Variants in FHOD3 observed in about 807,000 individuals in gnomAD.
The protein encoded by FHOD3 is formin homology 2 domain containing 3.
A neutral mutation model predicts 173.0 loss-of-function variants in FHOD3; 90 were observed. That is an observed-to-expected ratio of 0.52 (90% CI 0.44 to 0.62). The LOEUF (loss-of-function observed/expected upper bound fraction) is 0.62, where lower values mean the gene tolerates loss of function less well. FHOD3 is among the 20% of genes least tolerant of loss of function. FHOD3 has a pLI of 0.00. For synonymous variants in FHOD3, 828 were observed against 823.0 expected, an observed-to-expected ratio of 1.01 and a Z score of -0.10; for missense variants, 1,945 against 2,034.7, an observed-to-expected ratio of 0.96 and a Z score of 0.85.
chr18:36,303,044 A>G (rs1276405561), intron 1 of FHOD3, among the ~76,000 whole-genome samples: 5 of 152,212 alleles, frequency 3.3e-5, no homozygotes, highest in African/African-American at 1.2e-4. Flanking sequence ...TCTGGGTTGG[A>G]ATAGACTGGC....
chr18:36,346,016 C>T (rs1663837788), intron 1 of FHOD3, among the ~76,000 whole-genome samples: 1 of 152,124 alleles, frequency 6.6e-6, no homozygotes, highest in Non-Finnish European at 1.5e-5. Context: ...CACACCCAGC[C>T]CCCTGAATCT....
At chr18:36,564,895 T>A (rs1189447291) in intron 5 of FHOD3, among the ~76,000 whole-genome samples, 2 of 152,064 alleles carry the variant, frequency 1.3e-5, no homozygotes, top group Non-Finnish European at 1.5e-5. Flanking sequence ...TTTAGAAAAA[T>A]TTGCATTGCA....
chr18:36,323,236 G>T (rs1332206611), intron 1 of FHOD3, among the ~76,000 whole-genome samples: 3 of 152,176 alleles, frequency 2.0e-5, no homozygotes, highest in Non-Finnish European at 2.9e-5. Context: ...AGGGGAAGTT[G>T]GGAACTCAAA....
chr18:36,467,749 G>C (rs1419457549), intron 3 of FHOD3, among the ~76,000 whole-genome samples: 2 of 152,214 alleles, frequency 1.3e-5, no homozygotes, highest in Non-Finnish European at 2.9e-5. Flanking sequence ...GCAGTGCTTA[G>C]GGCTGGCCTT....
chr18:36,304,713 A>G (rs1426504340), intron 1 of FHOD3, among the ~76,000 whole-genome samples: 2 of 152,230 alleles, frequency 1.3e-5, no homozygotes, highest in African/African-American at 4.8e-5. Flanking sequence ...AACAATTGTC[A>G]GTTACATAAA....
chr18:36,377,630 C>T (rs953612170), intron 3 of FHOD3, among the ~76,000 whole-genome samples: 2 of 152,174 alleles, frequency 1.3e-5, no homozygotes, highest in African/African-American at 4.8e-5. Flanking sequence ...AGACATGAGG[C>T]CTGAATGGTG....
Position 36,718,308 on chromosome 18 carries a change from G to A in FHOD3, c.3010G>A (p.Asp1004Asn). ...GGATTTCACTGACCTGGGGGAGGAGGATGACATTGATGTCCTAGATGTGGA... is the reference window on the plus strand; with the variant it reads ...GGATTTCACTGACCTGGGGGAGGAGAATGACATTGATGTCCTAGATGTGGA... Reference protein sequence around the residue: ...DMDFTDLGEEDDIDVLDVDLG... With the variant: ...DMDFTDLGEENDIDVLDVDLG... The change falls in exon 19 of 29, where the codon GAT (aspartate) becomes AAT (asparagine). Residue 1004 changes from aspartate to asparagine, a missense_variant. Asp to Asn is a conservative substitution (Grantham distance 23, BLOSUM62 1). Around this residue, in one of 5 missense-constraint regions of FHOD3, gnomAD observed 1,099 missense variants for 1,051.2 expected, o/e 1.05. Transcript: ENST00000590592. 1.2e-6 allele frequency: 2 copies of A among 1,614,086 alleles called. No homozygotes were observed. Among genetic ancestry groups the A allele is most frequent in the Non-Finnish European group, 1.7e-6 (2 of 1,180,018 alleles).
intron 3 of FHOD3, among the ~76,000 whole-genome samples, chr18:36,413,783 A>G (rs2049481874): frequency 6.6e-6 from 1 of 152,210 alleles, no homozygotes; most frequent in African/African-American, 2.4e-5. Context: ...CATTTTAACC[A>G]TTTTAAGTGT....
chr18:36,565,716 G>T (rs1033803347), intron 5 of FHOD3, among the ~76,000 whole-genome samples: 49 of 152,008 alleles, frequency 3.2e-4, no homozygotes. Flanking sequence ...TTATTGAATG[G>T]CAACAGAAAA....
chr18:36,752,161 G>GC (rs918784573), intron 24 of FHOD3, among the ~76,000 whole-genome samples: 1 of 152,096 alleles, frequency 6.6e-6, no homozygotes, highest in East Asian at 1.9e-4. Context: ...GGGGGATACC[G>GC]CCCCCTATGA....
At chr18:36,454,959 T>C (rs996166571) in intron 3 of FHOD3, among the ~76,000 whole-genome samples, 4 of 152,202 alleles carry the variant, frequency 2.6e-5, no homozygotes, top group Non-Finnish European at 4.4e-5. Flanking sequence ...CTTTCTCTCA[T>C]CTGCAGAGTC....
At position 36,525,589 on chromosome 18, in the gene FHOD3, G is replaced by A. The variant is rs138563643; in HGVS notation, c.511+13046G>A. On this transcript the variant is annotated intron_variant, in intron 5 of 28. Transcript: ENST00000590592. ...AGTTACATACAAAGAATCACAACAC[G>A]AAGCCATCTGGACTTGCTAAATTTG... 1.8e-3 allele frequency among the ~76,000 whole-genome samples: 275 copies of A among 152,320 alleles called. 1 individual carries two copies. Among genetic ancestry groups the A allele is most frequent in the African/African-American group, 6.3e-3 (263 of 41,570 alleles).
chr18:36,318,323 A>G (rs568793918), intron 1 of FHOD3, among the ~76,000 whole-genome samples: 1 of 152,186 alleles, frequency 6.6e-6, no homozygotes, highest in African/African-American at 2.4e-5. Flanking sequence ...GGGCAGTACA[A>G]CCATTTTCAG....
chr18:36,716,352 G>A (rs1394211489), intron 18 of FHOD3, among the ~76,000 whole-genome samples: 2 of 152,198 alleles, frequency 1.3e-5, no homozygotes, highest in East Asian at 3.9e-4. Context: ...CAGCAACACT[G>A]GATGTGGAGG....
intron 1 of FHOD3, among the ~76,000 whole-genome samples, chr18:36,301,895 G>T (rs538791747): frequency 6.6e-6 from 1 of 152,180 alleles, no homozygotes; most frequent in South Asian, 2.1e-4. Context: ...GAAATGTTTT[G>T]TTGCCCGGAG....
intron 10 of FHOD3, among the ~76,000 whole-genome samples, chr18:36,641,534 G>A (rs1483932407): frequency 6.6e-6 from 1 of 152,128 alleles, no homozygotes; most frequent in Non-Finnish European, 1.5e-5. Context: ...GGTAGCTTGG[G>A]CCCCATGGGT....
At chr18:36,664,415 CAAT>C (rs1290884724) in intron 14 of FHOD3, among the ~76,000 whole-genome samples, 1 of 152,136 alleles carries the variant, frequency 6.6e-6, no homozygotes, top group Non-Finnish European at 1.5e-5. Context: ...TTGTTACAAA[CAAT>C]AAGAGTCCCT....
chr18:36,301,683 G>T (rs1328953130), intron 1 of FHOD3, among the ~76,000 whole-genome samples: 2 of 152,212 alleles, frequency 1.3e-5, no homozygotes, highest in African/African-American at 4.8e-5. Context: ...AAAAACCTCT[G>T]CAGTAGCATT....
chr18:36,764,096 G>A (rs1234803525), intron 27 of FHOD3, among the ~76,000 whole-genome samples: 1 of 152,152 alleles, frequency 6.6e-6, no homozygotes, highest in Non-Finnish European at 1.5e-5. Context: ...TGATTGTCTG[G>A]TTTGCTATAT....
Sources: gnomAD v4.1 joint callset for allele counts (sites outside exome capture counted in the v4.1 genomes callset) on GRCh38, gnomAD v4.1.1 for gene constraint, gnomAD v4.1.1 regional missense constraint, MANE v1.5 for transcripts, NCBI Gene and HGNC (gene_info 2026-07-23, HGNC 2026-07-21) for gene names.